Variants in SMIM35 observed in about 807,000 individuals in gnomAD.
The protein encoded by SMIM35 is small integral membrane protein 35, also known as TMPRSS4 antisense RNA 1 (non-protein coding).
At chr11:118,036,191 C>T (rs577706367) in intron 1 of SMIM35, among the ~76,000 whole-genome samples, 2 of 152,218 alleles carry the variant, frequency 1.3e-5, no homozygotes, top group South Asian at 2.1e-4. Context: ...CTGGCCAATA[C>T]GTGGTGATTT....
chr11:118,067,813 C>T (rs933744919), intron 1 of SMIM35, among the ~76,000 whole-genome samples: 5 of 137,256 alleles, frequency 3.6e-5, no homozygotes, highest in Non-Finnish European at 1.5e-5. Context: ...GCTTGGGCAA[C>T]AGGAGTGAAA....
At chr11:118,014,427 TGG>T (rs1565379680) in intron 3 of SMIM35, among the ~76,000 whole-genome samples, 2 of 150,922 alleles carry the variant, frequency 1.3e-5, no homozygotes, top group East Asian at 2.0e-4. Flanking sequence ...GATGGATGGA[TGG>T]ATGAATGGAT....
intron 2 of SMIM35, 54 bp from the exon 3 acceptor site, chr11:118,014,795 C>T (rs554158676): frequency 1.2e-4 from 49 of 398,820 alleles, no homozygotes; most frequent in African/African-American, 8.8e-4. Context: ...AAGCAGTCCG[C>T]CACCCTTCTA....
intron 1 of SMIM35, among the ~76,000 whole-genome samples, chr11:118,069,011 C>T (rs767291096): frequency 2.0e-5 from 3 of 152,192 alleles, no homozygotes; most frequent in African/African-American, 7.2e-5. Context: ...CATTTGTTAA[C>T]GGACCACCAT....
At chr11:118,028,767 CTG>C (rs1301779333) in intron 1 of SMIM35, 1 of 433,052 alleles carries the variant, frequency 2.3e-6, no homozygotes, top group Admixed American at 2.5e-5. Context: ...AGAAGAGAAA[CTG>C]AGAAGCAAAA....
At chr11:118,081,306 G>A (rs1945105629) in intron 1 of SMIM35, among the ~76,000 whole-genome samples, 1 of 152,310 alleles carries the variant, frequency 6.6e-6, no homozygotes, top group African/African-American at 2.4e-5. Context: ...GTCTGAGCCT[G>A]CCCGGAAACC....
At chr11:118,025,815 T>C (rs1485376867) in intron 1 of SMIM35, 1 of 447,918 alleles carries the variant, frequency 2.2e-6, no homozygotes, top group Non-Finnish European at 4.4e-6. Flanking sequence ...CTTTTGTCAG[T>C]TTTTATTTTT....
At position 118,015,807 on chromosome 11, in the gene SMIM35, C is replaced by T. The variant is rs1343344817; in HGVS notation, c.10G>A (p.Glu4Lys). Residue 4 changes from glutamate (E) to lysine (K), a missense_variant and splice_region_variant, in exon 2 of 5, where the codon GAG (glutamate) becomes AAG (lysine). Transcript: ENST00000689828. MTG[E>K]DSISTLGLIL... ...AGGCCCAAGGTGCTGATGGAGTCCT[C>T]ACCTGCAGAGACATGCAGCTGTGCA... 3 of 399,180 alleles carry T rather than the reference C, an allele frequency of 7.5e-6. No individual in the cohort carries two copies. Among genetic ancestry groups the T allele is most frequent in the African/African-American group, 2.1e-5 (1 of 48,626 alleles). 24.7% of individuals were successfully genotyped at this position (399,180 alleles called of 1,614,324 possible).
Position 118,079,301 on chromosome 11 carries a change from C to T in SMIM35, c.7+7450G>A, listed in dbSNP as rs575863764. On this transcript the variant is annotated intron_variant, in intron 1 of 4. Transcript: ENST00000689828. ...CACACCCAGGCTCAGCCCTCCCTTC[C>T]CTTCCCTTCCATTCCCTACCTCCTT... Among the ~76,000 whole-genome samples the T allele has an allele frequency of 4.6e-5, 7 of 152,298 alleles. No homozygotes were observed. The South Asian group carries it at 1.4e-3, about 32-fold the overall frequency.
At chr11:118,039,831 G>T (rs901162034) in intron 1 of SMIM35, among the ~76,000 whole-genome samples, 12 of 151,702 alleles carry the variant, frequency 7.9e-5, no homozygotes, top group African/African-American at 2.7e-4. Context: ...CGGGACTCGA[G>T]AAAAGGAGTT....
At chr11:118,075,810 G>A (rs144898650) in intron 1 of SMIM35, among the ~76,000 whole-genome samples, 113 of 152,348 alleles carry the variant, frequency 7.4e-4, no homozygotes, top group Middle Eastern at 6.8e-3. Context: ...CATTGACTTT[G>A]CCTCTCTGGA....
At position 118,072,382 on chromosome 11, in the gene SMIM35, G is replaced by A. The variant is rs566790479; in HGVS notation, c.7+14369C>T. Reference sequence around the variant, plus strand: ...AGAGACCTGTAATCCCAGCTACTCCGGAGGCTGAGGCAGGAGAATTGCTTG... The same window carrying A: ...AGAGACCTGTAATCCCAGCTACTCCAGAGGCTGAGGCAGGAGAATTGCTTG... On this transcript the variant is annotated intron_variant, in intron 1 of 4. Coordinates refer to ENST00000689828, the MANE Select transcript of SMIM35 (RefSeq NM_001394165.1). Among the ~76,000 whole-genome samples, 35 of 152,342 alleles carry A rather than the reference G, an allele frequency of 2.3e-4. No individual in the cohort carries two copies. In the South Asian group the frequency reaches 6.4e-3, roughly 28 times the overall value.
chr11:118,052,573 C>T (rs972356249), intron 1 of SMIM35, among the ~76,000 whole-genome samples: 2 of 152,108 alleles, frequency 1.3e-5, no homozygotes, highest in African/African-American at 4.8e-5. Context: ...CCCCACAGAA[C>T]CTGAGTCTGC....
chr11:118,007,734 G>A (rs1040937370), intron 4 of SMIM35, among the ~76,000 whole-genome samples: 1 of 151,948 alleles, frequency 6.6e-6, no homozygotes, highest in African/African-American at 2.4e-5. Flanking sequence ...CATCCCCCCA[G>A]TGGTTCTCTG....
intron 1 of SMIM35, among the ~76,000 whole-genome samples, chr11:118,037,511 ATTTT>A (rs1428799076): frequency 6.6e-6 from 1 of 152,114 alleles, no homozygotes; most frequent in Non-Finnish European, 1.5e-5. Context: ...GCGATCTCGA[ATTTT>A]TTTAAATTTC....
At chr11:118,047,022 G>A (rs925744223) in intron 1 of SMIM35, among the ~76,000 whole-genome samples, 1 of 152,210 alleles carries the variant, frequency 6.6e-6, no homozygotes, top group Non-Finnish European at 1.5e-5. Context: ...CCCAAGAATA[G>A]TTTTATTACT....
intron 1 of SMIM35, among the ~76,000 whole-genome samples, chr11:118,024,525 T>A (rs1030308234): frequency 6.6e-6 from 1 of 152,124 alleles, no homozygotes; most frequent in Non-Finnish European, 1.5e-5. Context: ...CAGGCTGGAG[T>A]GCAATGGTGT....
At chr11:118,036,883 T>C (rs899322553) in intron 1 of SMIM35, among the ~76,000 whole-genome samples, 8 of 152,256 alleles carry the variant, frequency 5.3e-5, no homozygotes, top group African/African-American at 1.9e-4. Flanking sequence ...CTTGGGTTTA[T>C]ATCTCGATCA....
intron 1 of SMIM35, among the ~76,000 whole-genome samples, chr11:118,066,441 C>T (rs1944475563): frequency 6.6e-6 from 1 of 152,128 alleles, no homozygotes; most frequent in South Asian, 2.1e-4. Context: ...AAAACAAAAA[C>T]AAACAAGTCA....
Sources: allele counts gnomAD v4.1 joint callset (sites outside exome capture counted in the v4.1 genomes callset), GRCh38; gene constraint gnomAD v4.1.1; transcripts MANE v1.5; gene names NCBI Gene and HGNC (gene_info 2026-07-23, HGNC 2026-07-21).